The following RTL4 variants were observed in gnomAD, a reference collection of about 807,000 sequenced individuals.
RTL4 encodes the protein retrotransposon Gag-like protein 4.
Under a neutral mutation model 5.3 loss-of-function variants are expected in RTL4, and 4 were observed. That is an observed-to-expected ratio of 0.75 (90% confidence interval 0.37 to 1.72). The LOEUF is 1.72. RTL4 is among the 40% of genes most tolerant of loss of function. RTL4 has a pLI of 0.04. For synonymous variants in RTL4, 98 were observed against 87.3 expected (o/e 1.12, Z -0.68); for missense variants, 260 against 227.1 (o/e 1.14, Z -0.93).
the RTL4 span, among the ~76,000 whole-genome samples, chrX:112,401,168 C>A: frequency 3.6e-5 from 4 of 111,817 alleles, no homozygotes; most frequent in African/African-American, 9.8e-5. Context: ...CCATCTTAGC[C>A]CAAAGTAGAA....
At chrX:112,256,049 A>G in the RTL4 span, among the ~76,000 whole-genome samples, 1 of 112,046 alleles carries the variant, frequency 8.9e-6, no homozygotes, top group Non-Finnish European at 1.9e-5. Flanking sequence ...AAATGCCACG[A>G]TATAATTCAT....
At chrX:112,417,853 G>A in the RTL4 span, among the ~76,000 whole-genome samples, 6 of 111,756 alleles carry the variant, frequency 5.4e-5, no homozygotes, top group East Asian at 1.7e-3. Flanking sequence ...AGGGAGTGAC[G>A]AAAATGTTCT....
the RTL4 span, among the ~76,000 whole-genome samples, chrX:112,393,557 G>A: frequency 1.8e-5 from 2 of 112,110 alleles, no homozygotes; most frequent in East Asian, 5.6e-4. Context: ...GTAGGAAGAA[G>A]ATTGGAGACC....
At chrX:112,108,934 G>A in the RTL4 span, among the ~76,000 whole-genome samples, 1 of 111,078 alleles carries the variant, frequency 9.0e-6, no homozygotes, top group Non-Finnish European at 1.9e-5. Flanking sequence ...GGCTTACCCA[G>A]TGCTGGGTTT....
At chrX:112,332,537 T>C in the RTL4 span, among the ~76,000 whole-genome samples, 1 of 109,389 alleles carries the variant, frequency 9.1e-6, no homozygotes. Flanking sequence ...TGTAGGGACA[T>C]GGATGAAGCT....
chrX:112,257,779 T>C, the RTL4 span, among the ~76,000 whole-genome samples: 1 of 108,999 alleles, frequency 9.2e-6, no homozygotes, highest in Non-Finnish European at 1.9e-5. Flanking sequence ...AACACAAACA[T>C]TCAGAACATA....
the RTL4 span, among the ~76,000 whole-genome samples, chrX:112,385,509 A>G: frequency 9.0e-6 from 1 of 111,669 alleles, no homozygotes; most frequent in Middle Eastern, 4.6e-3. Context: ...AAATCAATTG[A>G]CCATATATGT....
chrX:112,206,903 GC>G, the RTL4 span, among the ~76,000 whole-genome samples: 2 of 111,597 alleles, frequency 1.8e-5, no homozygotes, highest in African/African-American at 6.5e-5. Flanking sequence ...GCACTACTAA[GC>G]ACTCAGATGC....
chrX:112,411,571 T>C, the RTL4 span, among the ~76,000 whole-genome samples: 2 of 111,548 alleles, frequency 1.8e-5, no homozygotes, highest in East Asian at 5.6e-4. Flanking sequence ...ATCAGTGTGA[T>C]ACATCATGTC....
the RTL4 span, among the ~76,000 whole-genome samples, chrX:112,210,455 A>G: frequency 8.9e-6 from 1 of 112,618 alleles, no homozygotes; most frequent in Non-Finnish European, 1.9e-5. Context: ...GTGCCATGGC[A>G]GGTTCTGTAT....
At chrX:112,437,694 A>G in the RTL4 span, among the ~76,000 whole-genome samples, 1 of 111,161 alleles carries the variant, frequency 9.0e-6, no homozygotes, top group South Asian at 3.8e-4. Context: ...GAGGATAAGA[A>G]TGATCTTATT....
chrX:112,375,326 C>T, the RTL4 span, among the ~76,000 whole-genome samples: 93 of 111,031 alleles, frequency 8.4e-4, no homozygotes, highest in Non-Finnish European at 1.6e-3. Context: ...GGTTCTCAGG[C>T]AAGCTTTCTG....
chrX:112,333,749 T>A, the RTL4 span, among the ~76,000 whole-genome samples: 2 of 111,686 alleles, frequency 1.8e-5, no homozygotes, highest in Admixed American at 1.9e-4. Flanking sequence ...AATCACATCA[T>A]GGGGAATGGG....
chrX:112,231,166 T>C, the RTL4 span, among the ~76,000 whole-genome samples: 3 of 110,985 alleles, frequency 2.7e-5, no homozygotes, highest in African/African-American at 9.9e-5. Flanking sequence ...GTCGGTGTGG[T>C]GATTCCTCAG....
chrX:112,417,380 G>A, the RTL4 span, among the ~76,000 whole-genome samples: 5 of 111,883 alleles, frequency 4.5e-5, no homozygotes, highest in Non-Finnish European at 9.4e-5. Context: ...TGGTAGGGGA[G>A]GATAATGTCC....
chrX:112,382,293 G>C, the RTL4 span: 1 of 732,597 alleles, frequency 1.4e-6, no homozygotes, highest in South Asian at 3.3e-5. Flanking sequence ...AACCTGGTTA[G>C]AAAGGCTTTT....
chrX:112,191,565 AG>A, the RTL4 span, among the ~76,000 whole-genome samples: 1 of 111,957 alleles, frequency 8.9e-6, no homozygotes, highest in African/African-American at 3.2e-5. Flanking sequence ...TTAGGCATTA[AG>A]TATCTTAAGC....
the RTL4 span, among the ~76,000 whole-genome samples, chrX:112,442,279 T>G: frequency 9.2e-6 from 1 of 108,707 alleles, no homozygotes; most frequent in Non-Finnish European, 1.9e-5. Context: ...CTTGCTCTGT[T>G]GTCTAGGATG....
the RTL4 span, among the ~76,000 whole-genome samples, chrX:112,206,268 G>GT: frequency 8.1e-5 from 9 of 111,582 alleles, no homozygotes; most frequent in Non-Finnish European, 1.1e-4. Flanking sequence ...CTTTGATGCA[G>GT]TACTCTACTA....
Sources: gnomAD v4.1 joint callset for allele counts (sites outside exome capture counted in the v4.1 genomes callset) on GRCh38, gnomAD v4.1.1 for gene constraint, MANE v1.5 for transcripts, NCBI Gene and HGNC (gene_info 2026-07-23, HGNC 2026-07-21) for gene names.